The following NOA1 variants were observed in gnomAD, a reference collection of about 807,000 sequenced individuals.
The protein encoded by NOA1 is nitric oxide-associated protein 1.
In NOA1, 35 loss-of-function variants were observed where a neutral mutation model predicts 58.4. The ratio of observed to expected loss-of-function variants is 0.60; its 90% confidence interval spans 0.46 to 0.79. The LOEUF (loss-of-function observed/expected upper bound fraction) is 0.79. Ranked by LOEUF, NOA1 falls within the 30% of genes least tolerant of loss-of-function variation. The pLI, the probability that NOA1 is intolerant of heterozygous loss-of-function variation, is 0.00. For synonymous variants in NOA1, 397 were observed against 373.4 expected (o/e 1.06, Z -0.73); for missense variants, 895 against 894.6 (o/e 1.00, Z -0.01).
At chr4:56,971,020 G>A (rs191949753) in intron 3 of NOA1, among the ~76,000 whole-genome samples, 1 of 152,092 alleles carries the variant, frequency 6.6e-6, no homozygotes, top group Admixed American at 6.6e-5. Flanking sequence ...GCATCTGAAA[G>A]GGAAGAATTA....
Position 56,974,171 on chromosome 4 carries a change from T to C in NOA1, c.1145-149A>G, listed in dbSNP as rs1019734804. 1.3e-5 allele frequency: 8 copies of C among 624,448 alleles called. No homozygotes were observed. In the African/African-American group the frequency reaches 1.5e-4, roughly 11 times the overall value. 38.7% of individuals were successfully genotyped at this position (624,448 alleles called of 1,614,324 possible). On this transcript the variant is annotated intron_variant, in intron 1 of 6. Transcript: ENST00000264230. The stretch of plus-strand genomic sequence containing the variant: ...ATGAGGAAATAGGTTAAGAGATTAG[T>C]TCACAGGGGAAACCAGAATTGGAAT...
At chr4:56,976,021 T>G (rs919875852) in intron 1 of NOA1, among the ~76,000 whole-genome samples, 2 of 152,194 alleles carry the variant, frequency 1.3e-5, no homozygotes, top group African/African-American at 4.8e-5. Context: ...CACTCCAGCC[T>G]GGGCGACAGA....
intron 5 of NOA1, among the ~76,000 whole-genome samples, chr4:56,966,283 C>T (rs1001414043): frequency 1.3e-5 from 2 of 151,924 alleles, no homozygotes. Context: ...CCTTGGCCTC[C>T]CAAAGTGCTG....
Position 56,977,148 on chromosome 4 carries a change from T to G in NOA1, c.438A>C (p.Ala146=). The change falls in exon 1 of 7, where the codon GCA becomes GCC. Residue 146 remains alanine, a synonymous_variant. Coordinates refer to ENST00000264230, the MANE Select transcript of NOA1 (RefSeq NM_032313.4). ...CTCCGGCGTCCTGGCAGTGCAGCTC[T>G]GCCCCACAGCCCGAGCAGTTCACGC... is the stretch of plus-strand genomic sequence containing the variant. ...PSGVNCSGCG[A]ELHCQDAGVP... is the part of the protein sequence containing the mutation. The G allele has an allele frequency of 6.4e-7, 1 of 1,557,434 alleles. No individual in the cohort carries two copies. The highest frequency in any genetic ancestry group is 8.7e-7 in the Non-Finnish European group (1 of 1,156,062).
chr4:56,976,674 G>A lies in NOA1; in HGVS notation c.912C>T (p.Asn304=). ...PQDGENPNPP[N]WSRTVVRDVR... ...CGTCCCTGACCACTGTGCGGGACCA[G>A]TTCGGCGGATTCGGATTCTCCCCGT... The change falls in exon 1 of 7, where the codon AAC becomes AAT. Residue 304 remains asparagine (N), a synonymous_variant. Coordinates refer to ENST00000264230, the MANE Select transcript of NOA1 (RefSeq NM_032313.4). 1 of 1,613,760 alleles carries A rather than the reference G, an allele frequency of 6.2e-7. No individual in the cohort carries two copies. The highest frequency in any genetic ancestry group is 8.5e-7 in the Non-Finnish European group (1 of 1,179,678).
At chr4:56,964,868 T>C (rs189548898) in intron 5 of NOA1, among the ~76,000 whole-genome samples, 147 of 152,322 alleles carry the variant, frequency 9.7e-4, no homozygotes, top group African/African-American at 3.5e-3. Flanking sequence ...GCACGGTCCT[T>C]CTAAGTACCT....
At position 56,970,292 on chromosome 4, in the gene NOA1, C is replaced by T. The variant is rs114970335; in HGVS notation, c.1516-1777G>A. Among the ~76,000 whole-genome samples, 486 of 151,934 alleles carry T rather than the reference C, an allele frequency of 3.2e-3. 2 individuals carry two copies. The highest frequency in any genetic ancestry group is 0.011 in the African/African-American group (461 of 41,500). ...GCCTAGACCAGACTGGGCAACATAG[C>T]GAGGTCCTGTCTCTACAAAAACTAA... On this transcript the variant is annotated intron_variant, in intron 3 of 6. Coordinates refer to ENST00000264230, the MANE Select transcript of NOA1 (RefSeq NM_032313.4).
rs778735675 is a variant in NOA1 at position 56,976,763 on chromosome 4, C to A, written c.823G>T (p.Ala275Ser). 8 of 1,609,170 alleles carry A rather than the reference C, an allele frequency of 5.0e-6. No individual in the cohort carries two copies. In the South Asian group the frequency reaches 8.8e-5, roughly 18 times the overall value. The change falls in exon 1 of 7, where the codon GCC (alanine) becomes TCC (serine). Residue 275 changes from alanine to serine, a missense_variant. Ala to Ser is a moderately conservative substitution (Grantham distance 99, BLOSUM62 1). Transcript: ENST00000264230. ...TGGCCAGGGGCCAGCAGGAGCCCGG[C>A]GCGGGCACAGTCCTCCCACAGTCGC... ...RERLWEDCARAGLLLAPGHQG... is the reference protein window; with the variant it reads ...RERLWEDCARSGLLLAPGHQG...
intron 1 of NOA1, among the ~76,000 whole-genome samples, chr4:56,975,747 G>T (rs1214444954): frequency 1.3e-5 from 2 of 152,146 alleles, no homozygotes; most frequent in Non-Finnish European, 2.9e-5. Context: ...ATAGTGGCGT[G>T]CGCCTGTAAT....
Position 56,976,872 on chromosome 4 carries a change from C to T in NOA1, c.714G>A (p.Val238=), listed in dbSNP as rs757302661. The change falls in exon 1 of 7, where the codon GTG becomes GTA. Residue 238 remains valine, a synonymous_variant. Coordinates refer to ENST00000264230, the MANE Select transcript of NOA1 (RefSeq NM_032313.4). ...DALLPDLPAL[V]GPKQLIVLGN... The stretch of plus-strand genomic sequence containing the variant: ...CCAGCACGATCAGCTGCTTGGGGCC[C>T]ACCAGCGCGGGCAAGTCGGGCAGCA... 5.0e-6 allele frequency: 8 copies of T among 1,613,168 alleles called. No individual in the cohort carries two copies. The African/African-American group carries it at 6.7e-5, about 13-fold the overall frequency.
intron 3 of NOA1, among the ~76,000 whole-genome samples, chr4:56,970,393 C>A (rs927460010): frequency 6.6e-6 from 1 of 151,574 alleles, no homozygotes; most frequent in East Asian, 2.0e-4. Flanking sequence ...ATTGGTTGAG[C>A]CCAGGACTTT....
intron 4 of NOA1, among the ~76,000 whole-genome samples, chr4:56,967,919 G>GTTT (rs34091656): frequency 7.1e-6 from 1 of 141,146 alleles, no homozygotes; most frequent in Non-Finnish European, 1.5e-5. Flanking sequence ...TTTTCCCCAA[G>GTTT]TTTTTTTTTT....
In NOA1 at chr4:56,966,670, C is replaced by G; in HGVS notation, c.1714G>C (p.Asp572His). 6.2e-7 allele frequency: 1 copy of G among 1,613,922 alleles called. No individual in the cohort carries two copies. Among genetic ancestry groups the G allele is most frequent in the East Asian group, 2.2e-5 (1 of 44,870 alleles). Residue 572 changes from aspartate (D) to histidine (H), a missense_variant, in exon 5 of 7, where the codon GAC (aspartate) becomes CAC (histidine). By Grantham distance (81) the Asp-to-His change is moderately conservative (BLOSUM62 -1). This residue lies in a region of NOA1 where 212 missense variants were observed against 221.3 expected (regional missense o/e 0.96). Coordinates refer to ENST00000264230, the MANE Select transcript of NOA1 (RefSeq NM_032313.4). ...NILPVHITSL[D>H]RADALYQKHA... ...TTCTGATACAGAGCGTCTGCCCTGT[C>G]CAAGGAGGTGATATGCACAGGGAGG... is the stretch of plus-strand genomic sequence containing the variant.
In NOA1 at chr4:56,977,031, C is replaced by G. The variant is rs1472730461; in HGVS notation, c.555G>C (p.Leu185=). The part of the protein sequence containing the change: ...ARTVCQRCWL[L]SHHRRALRLQ... ...GGCGTAGAGCGCGCCGGTGGTGCGA[C>G]AGCAGCCAGCAGCGCTGGCACACGG... is the stretch of plus-strand genomic sequence containing the variant. Residue 185 remains leucine (L), a synonymous_variant, in exon 1 of 7, where the codon CTG becomes CTC. Coordinates refer to ENST00000264230, the MANE Select transcript of NOA1 (RefSeq NM_032313.4). 6.3e-7 allele frequency: 1 copy of G among 1,585,390 alleles called. No homozygotes were observed. The highest frequency in any genetic ancestry group is 8.5e-7 in the Non-Finnish European group (1 of 1,171,070).
intron 5 of NOA1, among the ~76,000 whole-genome samples, chr4:56,965,634 A>G (rs1365833624): frequency 6.6e-6 from 1 of 151,070 alleles, no homozygotes; most frequent in Non-Finnish European, 1.5e-5. Context: ...ACAGGTACAG[A>G]TAAAAACTGG....
chr4:56,966,954 CTTCT>C (rs1721722915), intron 4 of NOA1, among the ~76,000 whole-genome samples: 1 of 152,148 alleles, frequency 6.6e-6, no homozygotes, highest in African/African-American at 2.4e-5. Context: ...GAAACTATGA[CTTCT>C]TTGACAGACC....
chr4:56,963,875 G>A (rs1721652243), intron 6 of NOA1, among the ~76,000 whole-genome samples: 1 of 152,030 alleles, frequency 6.6e-6, no homozygotes, highest in African/African-American at 2.4e-5. Flanking sequence ...GGCGTCCCGA[G>A]AAGCTGGGGG....
At chr4:56,964,627 A>C in intron 5 of NOA1, 101 bp from the exon 6 acceptor site, 1 of 1,298,730 alleles carries the variant, frequency 7.7e-7, no homozygotes, top group Non-Finnish European at 1.1e-6. Context: ...GGGATCAAGA[A>C]TAAAATCCTT....
chr4:56,968,636 T>A, intron 3 of NOA1, 121 bp from the exon 4 acceptor site: 1 of 764,328 alleles, frequency 1.3e-6, no homozygotes, highest in East Asian at 2.8e-5. Flanking sequence ...AACCAAATTA[T>A]GTCAGAGTTT....
Sources: allele counts gnomAD v4.1 joint callset (sites outside exome capture counted in the v4.1 genomes callset), GRCh38; gene constraint gnomAD v4.1.1; regional missense constraint gnomAD v4.1.1; transcripts MANE v1.5; gene names NCBI Gene and HGNC (gene_info 2026-07-23, HGNC 2026-07-21).